The following PWWP3B variants were observed in gnomAD, a reference collection of about 807,000 sequenced individuals.
The protein encoded by PWWP3B is PWWP domain containing 3B, also known as PWWP domain-containing DNA repair factor 3B.
Under a neutral mutation model 15.7 loss-of-function variants are expected in PWWP3B, and 5 were observed. The observed-to-expected ratio is 0.32, with a 90% CI of 0.17 to 0.67. The LOEUF (loss-of-function observed/expected upper bound fraction) is 0.67. Among genes scored for constraint, PWWP3B ranks in the 30% least tolerant of loss-of-function variants. The probability of loss-of-function intolerance (pLI) is 0.74; values close to 1 mark genes in which losing one functional copy is unlikely to be tolerated. For missense variants in PWWP3B, 519 were observed against 493.1 expected (o/e 1.05, Z -0.50); for synonymous variants, 203 against 179.8 (o/e 1.13, Z -1.03).
chrX:106,196,120 AT>A (rs1447027648), intron 2 of PWWP3B, among the ~76,000 whole-genome samples: 8 of 111,698 alleles, frequency 7.2e-5, no homozygotes, highest in Non-Finnish European at 1.5e-4. Flanking sequence ...ATTATTTTAT[AT>A]TGACTTTGTG....
intron 2 of PWWP3B, among the ~76,000 whole-genome samples, chrX:106,188,481 G>A (rs991421779): frequency 2.7e-5 from 3 of 111,690 alleles, no homozygotes; most frequent in Non-Finnish European, 3.8e-5. Context: ...TATATTGGTC[G>A]TATTCTGATT....
In PWWP3B at chrX:106,206,572, C is replaced by T. The variant is rs748805809; in HGVS notation, c.1140C>T (p.Arg380=). The T allele has an allele frequency of 2.5e-6, 3 of 1,209,145 alleles. No individual in the cohort carries two copies. In the East Asian group the frequency reaches 8.9e-5, roughly 36 times the overall value. ...DDDEEDEELP[R]FILHYETHPF... is the part of the protein sequence containing the mutation. ...ATGAGGAAGACGAAGAACTTCCACG[C>T]TTCATTTTACATTATGAGACACATC... is the stretch of plus-strand genomic sequence containing the variant. Residue 380 remains arginine (R), a synonymous_variant, in exon 4 of 4, where the codon CGC becomes CGT. Transcript: ENST00000357175.
chrX:106,206,401 C>A lies in PWWP3B; in HGVS notation c.969C>A (p.Ala323=). ...CSRECEVSFS[A]SNPVWDYSHL... ...GGGAATGCGAGGTTTCATTTAGTGC[C>A]TCTAACCCTGTCTGGGATTATTCAC... The change falls in exon 4 of 4, where the codon GCC becomes GCA. Residue 323 remains alanine (A), a synonymous_variant. Coordinates refer to ENST00000357175, the MANE Select transcript of PWWP3B (RefSeq NM_001171020.2). 8.3e-7 allele frequency: 1 copy of A among 1,209,124 alleles called. No homozygotes were observed.
chrX:106,205,823 C>T lies in PWWP3B; in HGVS notation c.391C>T (p.His131Tyr). 8.3e-7 allele frequency: 1 copy of T among 1,211,363 alleles called. No homozygotes were observed. Among genetic ancestry groups the T allele is most frequent in the Non-Finnish European group, 1.1e-6 (1 of 895,325 alleles). Reference protein sequence around the residue: ...VPQKQSDSPPHKKYRKDEGDL... With the variant: ...VPQKQSDSPPYKKYRKDEGDL... ...ACAAAAACAGTCCGATTCACCCCCTCATAAAAAATACCGGAAGGATGAAGG... is the reference window on the plus strand; with the variant it reads ...ACAAAAACAGTCCGATTCACCCCCTTATAAAAAATACCGGAAGGATGAAGG... The change falls in exon 4 of 4, where the codon CAT becomes TAT. Residue 131 changes from histidine (H) to tyrosine (Y), a missense_variant. By Grantham distance (83) the His-to-Tyr change is moderately conservative. Transcript: ENST00000357175.
rs1420482857 is a variant in PWWP3B, at chrX:106,168,332, A to G, written c.-622A>G. On this transcript the variant is annotated 5_prime_UTR_variant, in exon 1 of 4. Coordinates refer to ENST00000357175, the MANE Select transcript of PWWP3B (RefSeq NM_001171020.2). ...TCTTCGGGGAGGAGCTGCATTACAC[A>G]CAGGCTTCGGAGGCTTCCGTGGAGA... 8.9e-6 allele frequency: 1 copy of G among 111,968 alleles called. No individual in the cohort carries two copies. Among genetic ancestry groups the G allele is most frequent in the Non-Finnish European group, 1.9e-5 (1 of 53,250 alleles). The allele number at this position is 111,968 out of a possible 1,213,427, so 9.2% of individuals were successfully genotyped here. A position where few individuals can be genotyped will look rare whatever the true frequency, so the allele number is the denominator to read the frequency against.
rs150029543 is a variant in PWWP3B at position 106,206,032 on chromosome X, G to A, written c.600G>A (p.Ser200=). 1.6e-3 allele frequency: 1,952 copies of A among 1,207,339 alleles called. 44 individuals carry two copies. The East Asian group carries it at 0.05, about 31-fold the overall frequency. ...SSWCETFPSL[S]EDNDEKENKN... is the part of the protein sequence containing the mutation. ...GGTGCGAGACTTTCCCTTCACTTTCGGAAGATAATGATGAAAAAGAGAACA... is the reference window on the plus strand; with the variant it reads ...GGTGCGAGACTTTCCCTTCACTTTCAGAAGATAATGATGAAAAAGAGAACA... Residue 200 remains serine (S), a synonymous_variant, in exon 4 of 4, where the codon TCG becomes TCA. Transcript: ENST00000357175.
chrX:106,174,630 C>T (rs1364954769), intron 2 of PWWP3B, among the ~76,000 whole-genome samples: 3 of 111,445 alleles, frequency 2.7e-5, no homozygotes, highest in Non-Finnish European at 5.6e-5. Flanking sequence ...GATTTTCAGC[C>T]CCTGTCCAGG....
rs1292453261 is a variant in PWWP3B at position 106,208,469 on chromosome X, G to A, written c.*946G>A. The A allele has an allele frequency of 8.1e-6, 1 of 123,978 alleles. No individual in the cohort carries two copies. The highest frequency in any genetic ancestry group is 3.2e-5 in the African/African-American group (1 of 31,010). The allele number at this position is 123,978 out of a possible 1,213,427, so 10.2% of individuals were successfully genotyped here. On this transcript the variant is annotated 3_prime_UTR_variant, in exon 4 of 4. Coordinates refer to ENST00000357175, the MANE Select transcript of PWWP3B (RefSeq NM_001171020.2). ...AAACTGTAGAAAAGGCAAGCACTTTGTTCTGAGTCTTTTATCTCCAAATAC... is the reference window on the plus strand; with the variant it reads ...AAACTGTAGAAAAGGCAAGCACTTTATTCTGAGTCTTTTATCTCCAAATAC...
chrX:106,192,588 T>A (rs1923064612), intron 2 of PWWP3B, among the ~76,000 whole-genome samples: 1 of 111,419 alleles, frequency 9.0e-6, no homozygotes. Context: ...TGCTAGCTTT[T>A]GAATGTGTTT....
chrX:106,195,887 A>G (rs1923347646), intron 2 of PWWP3B, among the ~76,000 whole-genome samples: 1 of 111,727 alleles, frequency 9.0e-6, no homozygotes, highest in Non-Finnish European at 1.9e-5. Flanking sequence ...GGGAGATATA[A>G]CATCCTAAAA....
At chrX:106,184,842 T>G in intron 2 of PWWP3B, among the ~76,000 whole-genome samples, 1 of 111,017 alleles carries the variant, frequency 9.0e-6, no homozygotes, top group Non-Finnish European at 1.9e-5. Flanking sequence ...CCCCTACAGC[T>G]TGAAGGGGAC....
At position 106,169,480 on chromosome X, in the gene PWWP3B, C is replaced by T. The variant is rs139228517; in HGVS notation, c.-529+1055C>T. ...ATAATGGAGCTGAAAAGGGAATAAT[C>T]ACTTTTGTTACAGACACTTGAGCAA... is the stretch of plus-strand genomic sequence containing the variant. On this transcript the variant is annotated intron_variant, in intron 1 of 3. Transcript: ENST00000357175. 3.5e-3 allele frequency among the ~76,000 whole-genome samples: 389 copies of T among 111,416 alleles called. 3 individuals carry two copies. Among genetic ancestry groups the T allele is most frequent in the African/African-American group, 0.012 (371 of 30,763 alleles).
intron 2 of PWWP3B, among the ~76,000 whole-genome samples, chrX:106,185,140 C>T (rs1922432695): frequency 9.0e-6 from 1 of 111,580 alleles, no homozygotes; most frequent in Admixed American, 9.5e-5. Flanking sequence ...GTAATTTATA[C>T]TTCCCTCAGG....
rs373270597 is a variant in PWWP3B at position 106,205,459 on chromosome X, C to T, written c.27C>T (p.Asn9=). The change falls in exon 4 of 4, where the codon AAC becomes AAT. Residue 9 remains asparagine, a synonymous_variant. Transcript: ENST00000357175. The stretch of plus-strand genomic sequence containing the variant: ...TGGAGTCTGAGTATGTCCTATGCAA[C>T]TGGAAAGACCAGTTGTGGCCAGCAA... MESEYVLC[N]WKDQLWPAKV... The T allele has an allele frequency of 8.5e-7, 1 of 1,177,857 alleles. No homozygotes were observed. Among genetic ancestry groups the T allele is most frequent in the Admixed American group, 2.5e-5 (1 of 40,255 alleles).
At chrX:106,186,345 C>A (rs1174937261) in intron 2 of PWWP3B, among the ~76,000 whole-genome samples, 1 of 111,052 alleles carries the variant, frequency 9.0e-6, no homozygotes, top group Non-Finnish European at 1.9e-5. Context: ...ACCAACACTC[C>A]CAACTCCGAA....
At chrX:106,181,986 AGTT>A (rs1203929807) in intron 2 of PWWP3B, among the ~76,000 whole-genome samples, 6 of 112,090 alleles carry the variant, frequency 5.4e-5, no homozygotes, top group Non-Finnish European at 9.4e-5. Context: ...AGAGTTTGAA[AGTT>A]GTTGTCTGAT....
At chrX:106,186,518 G>A (rs1922518938) in intron 2 of PWWP3B, among the ~76,000 whole-genome samples, 1 of 111,124 alleles carries the variant, frequency 9.0e-6, no homozygotes, top group South Asian at 3.8e-4. Flanking sequence ...GGGGTCCAAT[G>A]GTACTCACCG....
At position 106,186,580 on chromosome X, in the gene PWWP3B, G is replaced by C. The variant is rs1030146870; in HGVS notation, c.-401+15441G>C. ...TGTTTGCCAAGATGTGTCCAGAGTT[G>C]GTTCCTTCTGGTGGGTTCCTGGTCT... On this transcript the variant is annotated intron_variant, in intron 2 of 3. Transcript: ENST00000357175. Among the ~76,000 whole-genome samples the C allele has an allele frequency of 4.5e-5, 5 of 111,340 alleles. No homozygotes were observed. In the East Asian group the frequency reaches 1.4e-3, roughly 32 times the overall value.
chrX:106,208,615 C>T lies in PWWP3B; in HGVS notation c.*1092C>T, dbSNP rs1490579490. 8.1e-6 allele frequency: 1 copy of T among 123,978 alleles called. No homozygotes were observed. The highest frequency in any genetic ancestry group is 2.8e-4 in the East Asian group (1 of 3,616). The allele number at this position is 123,978 out of a possible 1,213,427, so 10.2% of individuals were successfully genotyped here. On this transcript the variant is annotated 3_prime_UTR_variant, in exon 4 of 4. Transcript: ENST00000357175. ...CTTGAAGGAGTAGATGAACCAGAAT[C>T]TGAGAATTTGGAAATAGGTCACAGA...
Sources: gnomAD v4.1 joint callset for allele counts (sites outside exome capture counted in the v4.1 genomes callset) on GRCh38, gnomAD v4.1.1 for gene constraint, MANE v1.5 for transcripts, NCBI Gene and HGNC (gene_info 2026-07-23, HGNC 2026-07-21) for gene names.